LDLRAD4: variants seen among roughly 807,000 people sequenced by gnomAD.
LDLRAD4 encodes the protein low-density lipoprotein receptor class A domain-containing protein 4.
LDLRAD4 carries 5 observed loss-of-function variants against 17.0 expected under a neutral mutation model. The ratio of observed to expected loss-of-function variants is 0.29; its 90% CI spans 0.15 to 0.62. The LOEUF (loss-of-function observed/expected upper bound fraction) is 0.62, where lower values mean the gene tolerates loss of function less well. LDLRAD4 is among the 20% of genes least tolerant of loss of function. The pLI is 0.84. For missense variants in LDLRAD4, 340 were observed against 424.7 expected (o/e 0.80, Z 1.75); for synonymous variants, 168 against 171.8 (o/e 0.98, Z 0.17).
At chr18:13,321,849 G>A (rs1308781415) in intron 1 of LDLRAD4, among the ~76,000 whole-genome samples, 1 of 87,566 alleles carries the variant, frequency 1.1e-5, no homozygotes, top group Non-Finnish European at 2.1e-5. Flanking sequence ...CAACAACAGC[G>A]AGACTCCGTC....
chr18:13,601,385 C>G (rs2095159089), intron 3 of LDLRAD4, among the ~76,000 whole-genome samples: 1 of 152,124 alleles, frequency 6.6e-6, no homozygotes, highest in South Asian at 2.1e-4. Context: ...TGCTCAACAT[C>G]ACTAACCATA....
At chr18:13,457,059 G>C (rs947805273) in intron 3 of LDLRAD4, among the ~76,000 whole-genome samples, 3 of 152,240 alleles carry the variant, frequency 2.0e-5, no homozygotes, top group Middle Eastern at 3.2e-3. Flanking sequence ...CTTCCCCACA[G>C]CCCAGCAGTG....
At chr18:13,469,337 A>C (rs1286986007) in intron 3 of LDLRAD4, among the ~76,000 whole-genome samples, 1 of 152,264 alleles carries the variant, frequency 6.6e-6, no homozygotes, top group Non-Finnish European at 1.5e-5. Flanking sequence ...GTTTCTCTAC[A>C]AGTTAAACAT....
At chr18:13,368,249 G>T (rs113985233) in intron 1 of LDLRAD4, among the ~76,000 whole-genome samples, 2,464 of 152,218 alleles carry the variant, frequency 0.016, 61 homozygotes, top group African/African-American at 0.057. Context: ...ACAAGAAGCT[G>T]AGTGTGGGAC....
rs544956088 is a variant in LDLRAD4, at chr18:13,492,609, G to C, written c.181+54225G>C. Among the ~76,000 whole-genome samples, 8 of 152,316 alleles carry C rather than the reference G, an allele frequency of 5.3e-5. No individual in the cohort carries two copies. In the East Asian group the frequency reaches 1.5e-3, roughly 29 times the overall value. On this transcript the variant is annotated intron_variant, in intron 3 of 5. Coordinates refer to ENST00000359446, the Ensembl canonical transcript of LDLRAD4. ...GCATTGTCAGACCCTACTCAGGAGTGGGATCTCCACTGACTGGGGCGGCCC... is the reference window on the plus strand; with the variant it reads ...GCATTGTCAGACCCTACTCAGGAGTCGGATCTCCACTGACTGGGGCGGCCC...
At chr18:13,580,228 A>G (rs555346494) in intron 3 of LDLRAD4, among the ~76,000 whole-genome samples, 1 of 152,320 alleles carries the variant, frequency 6.6e-6, no homozygotes, top group African/African-American at 2.4e-5. Flanking sequence ...TGAACAGGAC[A>G]GGATGAAGCA....
intron 3 of LDLRAD4, among the ~76,000 whole-genome samples, chr18:13,608,234 C>T (rs1316456419): frequency 2.6e-5 from 4 of 151,988 alleles, no homozygotes; most frequent in Non-Finnish European, 4.4e-5. Flanking sequence ...CCATCTCACG[C>T]CAGTTAGAAC....
At chr18:13,635,928 A>G (rs1164061869) in intron 4 of LDLRAD4, among the ~76,000 whole-genome samples, 2 of 106,870 alleles carry the variant, frequency 1.9e-5, no homozygotes, top group Non-Finnish European at 3.6e-5. Flanking sequence ...GAAGACAGCT[A>G]TGCTGTGTGT....
intron 4 of LDLRAD4, among the ~76,000 whole-genome samples, chr18:13,640,850 A>AC (rs2042489526): frequency 6.6e-6 from 1 of 152,184 alleles, no homozygotes; most frequent in Non-Finnish European, 1.5e-5. Context: ...GAAGAGGGGC[A>AC]CCTGGGTTCA....
At chr18:13,640,120 A>G (rs1301747762) in intron 4 of LDLRAD4, among the ~76,000 whole-genome samples, 1 of 151,998 alleles carries the variant, frequency 6.6e-6, no homozygotes, top group Non-Finnish European at 1.5e-5. Context: ...CCGCGTCTCT[A>G]CTAACAGTAC....
At chr18:13,514,981 C>G in intron 3 of LDLRAD4, 1 of 151,884 alleles carries the variant, frequency 6.6e-6, no homozygotes, top group East Asian at 1.9e-4. Context: ...CCCACCCCCA[C>G]ATTACCACTG....
At chr18:13,518,605 G>A (rs1025482877) in intron 3 of LDLRAD4, among the ~76,000 whole-genome samples, 3 of 152,060 alleles carry the variant, frequency 2.0e-5, no homozygotes, top group South Asian at 2.1e-4. Context: ...TGTGATTTTC[G>A]TTTTTTAAAA....
intron 1 of LDLRAD4, among the ~76,000 whole-genome samples, chr18:13,268,300 C>T (rs796495173): frequency 5.2e-4 from 79 of 152,306 alleles, no homozygotes; most frequent in African/African-American, 1.8e-3. Context: ...TCCCTGCTTC[C>T]CTCCCCTGTT....
intron 1 of LDLRAD4, among the ~76,000 whole-genome samples, chr18:13,336,819 C>T (rs949546776): frequency 1.8e-4 from 27 of 152,028 alleles, no homozygotes; most frequent in African/African-American, 6.3e-4. Flanking sequence ...TCTTTCAAGG[C>T]GATTGCCTCA....
At chr18:13,465,966 C>G (rs964047920) in intron 3 of LDLRAD4, among the ~76,000 whole-genome samples, 1 of 152,310 alleles carries the variant, frequency 6.6e-6, no homozygotes, top group Admixed American at 6.5e-5. Flanking sequence ...ATCTGTCTCT[C>G]CTCTCAGAGT....
At chr18:13,237,924 G>T (rs780229366) in intron 1 of LDLRAD4, among the ~76,000 whole-genome samples, 25 of 152,150 alleles carry the variant, frequency 1.6e-4, no homozygotes, top group Non-Finnish European at 3.1e-4. Flanking sequence ...TCTAAAATGG[G>T]AGGCTGGGGT....
chr18:13,405,708 G>A (rs2087673288), intron 2 of LDLRAD4, among the ~76,000 whole-genome samples: 1 of 151,544 alleles, frequency 6.6e-6, no homozygotes, highest in Non-Finnish European at 1.5e-5. Context: ...AAAGTGCTGA[G>A]ATTACTGCAG....
chr18:13,350,611 C>A (rs541604102), intron 1 of LDLRAD4, among the ~76,000 whole-genome samples: 1 of 152,290 alleles, frequency 6.6e-6, no homozygotes, highest in East Asian at 1.9e-4. Flanking sequence ...GTTTCTTTTG[C>A]TGTGCAGAAG....
intron 3 of LDLRAD4, among the ~76,000 whole-genome samples, chr18:13,498,856 G>C (rs1479756897): frequency 6.7e-6 from 1 of 148,170 alleles, no homozygotes; most frequent in Non-Finnish European, 1.5e-5. Context: ...GTAGACACTG[G>C]AGAATCCTTC....
Sources: gnomAD v4.1 joint callset for allele counts (sites outside exome capture counted in the v4.1 genomes callset) on GRCh38, gnomAD v4.1.1 for gene constraint, MANE v1.5 for transcripts, NCBI Gene and HGNC (gene_info 2026-07-23, HGNC 2026-07-21) for gene names.